Variants in RBL2 observed in about 807,000 individuals in gnomAD.
RBL2 encodes RB transcriptional corepressor like 2.
In RBL2, 56 loss-of-function variants were observed where a neutral mutation model predicts 126.0. The observed-to-expected ratio is 0.44, with a 90% CI of 0.36 to 0.56. RBL2 has a LOEUF of 0.56. Among genes scored for constraint, RBL2 ranks in the 20% least tolerant of loss-of-function variants. RBL2 has a pLI of 0.00. For synonymous variants in RBL2, 454 were observed against 478.5 expected, an observed-to-expected ratio of 0.95 and a Z score of 0.67; for missense variants, 1,229 against 1,398.2, an observed-to-expected ratio of 0.88 and a Z score of 1.93.
chr16:53,478,066 A>G (rs1471468827), intron 17 of RBL2, among the ~76,000 whole-genome samples: 1 of 152,166 alleles, frequency 6.6e-6, no homozygotes, highest in Non-Finnish European at 1.5e-5. Flanking sequence ...AATTTTGAAT[A>G]TTGACATTTC....
chr16:53,445,768 GTC>G (rs1345851709), intron 3 of RBL2: 2 of 152,260 alleles, frequency 1.3e-5, no homozygotes, highest in African/African-American at 4.8e-5. Context: ...AAACCCCACA[GTC>G]TCTGTCTTCT....
At chr16:53,449,363 T>C (rs2058091777) in intron 4 of RBL2, 1 of 152,000 alleles carries the variant, frequency 6.6e-6, no homozygotes, top group African/African-American at 2.4e-5. Flanking sequence ...CCTGTTGGGG[T>C]GGTTTTTTCT....
At chr16:53,474,421 A>T (rs1184115678) in intron 17 of RBL2, among the ~76,000 whole-genome samples, 1 of 152,022 alleles carries the variant, frequency 6.6e-6, no homozygotes, top group Non-Finnish European at 1.5e-5. Context: ...GGTTCAAGCA[A>T]TTCTCCTGCC....
At chr16:53,455,779 A>G (rs1172002767) in intron 8 of RBL2, among the ~76,000 whole-genome samples, 3 of 152,176 alleles carry the variant, frequency 2.0e-5, no homozygotes, top group African/African-American at 7.2e-5. Context: ...TGAGAGCATA[A>G]CAAATGCAAA....
chr16:53,485,048 A>ACAC (rs1005541821), intron 21 of RBL2, among the ~76,000 whole-genome samples: 4 of 152,070 alleles, frequency 2.6e-5, no homozygotes, highest in Admixed American at 6.5e-5. Context: ...CATAATTGGT[A>ACAC]CAACAAATAG....
chr16:53,478,866 CCCT>C (rs1436005946), intron 17 of RBL2: 1 of 293,480 alleles, frequency 3.4e-6, no homozygotes, highest in Admixed American at 4.9e-5. Context: ...AAGTGATCCA[CCCT>C]CCTCAGCCTC....
rs2057933964 is a variant in RBL2, at chr16:53,434,518, C to T, written c.-39C>T. 3 of 1,391,146 alleles carry T rather than the reference C, an allele frequency of 2.2e-6. No individual in the cohort carries two copies. Among genetic ancestry groups the T allele is most frequent in the Non-Finnish European group, 2.8e-6 (3 of 1,078,574 alleles). 86.2% of individuals were successfully genotyped at this position (1,391,146 alleles called of 1,614,324 possible). On this transcript the variant is annotated 5_prime_UTR_variant, in exon 1 of 22. Transcript: ENST00000262133. ...CGTTTGAATGGCTGCGGGCCCGGGC[C>T]CTCACCTCACCTGAGGTCCGGCCGC...
At chr16:53,466,980 C>A in intron 13 of RBL2, 78 bp from the exon 14 acceptor site, 1 of 890,674 alleles carries the variant, frequency 1.1e-6, no homozygotes, top group Non-Finnish European at 1.7e-6. Context: ...GATACTTTTT[C>A]TGCCTTAGAT....
chr16:53,447,616 C>CT (rs1051847122), intron 4 of RBL2, among the ~76,000 whole-genome samples: 1 of 151,782 alleles, frequency 6.6e-6, no homozygotes, highest in Non-Finnish European at 1.5e-5. Flanking sequence ...ATACATGTCT[C>CT]TATTATTTTT....
chr16:53,450,774 G>A (rs1223754778), intron 4 of RBL2, among the ~76,000 whole-genome samples: 8 of 152,076 alleles, frequency 5.3e-5, no homozygotes. Context: ...ATTTGTCTGA[G>A]TTTATGTAGA....
chr16:53,469,986 ATTTGT>A lies in RBL2; in HGVS notation c.2048_2052del (p.Phe683Ter). Reference sequence around the variant, plus strand: ...CAGCCAGCACTACCAGAAGGCGGCTATTTGTTGAGAATGATAGCCCCTCTGATGGA... The same window carrying A: ...CAGCCAGCACTACCAGAAGGCGGCTATGAGAATGATAGCCCCTCTGATGGA... On this transcript the variant is annotated frameshift_variant, in exon 15 of 22. Transcript: ENST00000262133. LOFTEE classifies it high-confidence loss of function. 6.2e-7 allele frequency: 1 copy of A among 1,614,138 alleles called. No individual in the cohort carries two copies. Among genetic ancestry groups the A allele is most frequent in the Non-Finnish European group, 8.5e-7 (1 of 1,179,964 alleles).
At position 53,445,143 on chromosome 16, in the gene RBL2, A is replaced by G. The variant is rs182052382; in HGVS notation, c.573-1899A>G. Among the ~76,000 whole-genome samples, 389 of 152,148 alleles carry G rather than the reference A, an allele frequency of 2.6e-3. 1 individual carries two copies. Among genetic ancestry groups the G allele is most frequent in the African/African-American group, 8.4e-3 (350 of 41,508 alleles). On this transcript the variant is annotated intron_variant, in intron 3 of 21. Transcript: ENST00000262133. ...GGAGTTTGAGACCAGCCTGGACAGTATGGCGAAACTTCATCTCCACAAAAA... is the reference window on the plus strand; with the variant it reads ...GGAGTTTGAGACCAGCCTGGACAGTGTGGCGAAACTTCATCTCCACAAAAA...
rs2058197630 is a variant in RBL2, at chr16:53,459,385, TTCTGGCCTAA to T, written c.1180-65_1180-56del. 5 of 1,359,798 alleles carry T rather than the reference TTCTGGCCTAA, an allele frequency of 3.7e-6. No homozygotes were observed. The Admixed American group carries it at 6.1e-5, about 17-fold the overall frequency. The allele number at this position is 1,359,798 out of a possible 1,614,324, so 84.2% of individuals were successfully genotyped here. ...CCATTTGTGAAGTGAATTAAAGTCT[TTCTGGCCTAA>T]AATAATGTTCTTTAAAAAATGTTTA... On this transcript the variant is annotated intron_variant, in intron 8 of 21. Transcript: ENST00000262133.
Position 53,479,870 on chromosome 16 carries a change from C to A in RBL2, c.2776-16C>A. 1 of 1,526,018 alleles carries A rather than the reference C, an allele frequency of 6.6e-7. No individual in the cohort carries two copies. The highest frequency in any genetic ancestry group is 1.2e-5 in the South Asian group (1 of 85,516). The allele number at this position is 1,526,018 out of a possible 1,614,324, so 94.5% of individuals were successfully genotyped here. ...CAAATACTAGTTTATGTCCCCTTCT[C>A]ATTGTTTCTCTAAAGGTGTATAGAA... On this transcript the variant is annotated splice_polypyrimidine_tract_variant and intron_variant, in intron 18 of 21. Coordinates refer to ENST00000262133, the MANE Select transcript of RBL2 (RefSeq NM_005611.4).
At chr16:53,460,706 G>A (rs1202698298) in intron 9 of RBL2, among the ~76,000 whole-genome samples, 6 of 152,092 alleles carry the variant, frequency 3.9e-5, no homozygotes, top group African/African-American at 7.2e-5. Flanking sequence ...GTATGTGTGT[G>A]TGTGTTCCCA....
intron 8 of RBL2, among the ~76,000 whole-genome samples, chr16:53,458,141 CAT>C (rs574976489): frequency 5.3e-4 from 80 of 152,252 alleles, no homozygotes; most frequent in African/African-American, 1.9e-3. Context: ...ATAGAGAAAA[CAT>C]GTAGGTTTGT....
intron 1 of RBL2, among the ~76,000 whole-genome samples, chr16:53,437,101 GC>G (rs2057965872): frequency 6.6e-6 from 1 of 150,412 alleles, no homozygotes; most frequent in Non-Finnish European, 1.5e-5. Context: ...ATTTTCTAGA[GC>G]CAAAATAGAA....
chr16:53,471,635 AT>A (rs1960529220), intron 17 of RBL2, among the ~76,000 whole-genome samples: 2 of 151,922 alleles, frequency 1.3e-5, no homozygotes, highest in Non-Finnish European at 2.9e-5. Flanking sequence ...TGCCTGGCTA[AT>A]TTTTGCATTT....
chr16:53,486,185 C>CAGTT (rs761247589), intron 21 of RBL2, among the ~76,000 whole-genome samples: 65 of 150,844 alleles, frequency 4.3e-4, no homozygotes, highest in Non-Finnish European at 7.5e-4. Flanking sequence ...CCTATAGTCC[C>CAGTT]AGTTACTTGG....
Sources: allele counts gnomAD v4.1 joint callset (sites outside exome capture counted in the v4.1 genomes callset), GRCh38; gene constraint gnomAD v4.1.1; transcripts MANE v1.5; gene names NCBI Gene and HGNC (gene_info 2026-07-23, HGNC 2026-07-21).